The following MRPL3 variants were observed in gnomAD, a reference collection of about 807,000 sequenced individuals.
MRPL3 encodes mitochondrial ribosomal protein L3.
MRPL3 carries 43 observed loss-of-function variants against 44.3 expected under a neutral mutation model. The ratio of observed to expected loss-of-function variants is 0.97; its 90% CI spans 0.76 to 1.25. The LOEUF is 1.25. MRPL3 is among the 50% of genes most tolerant of loss of function. The pLI is 0.00. For missense variants in MRPL3, 406 were observed against 427.6 expected (o/e 0.95, Z 0.45); for synonymous variants, 171 against 152.3 (o/e 1.12, Z -0.91).
chr3:131,466,690 T>TGG (rs67118415), intron 9 of MRPL3, among the ~76,000 whole-genome samples: 3 of 131,514 alleles, frequency 2.3e-5, no homozygotes, highest in Non-Finnish European at 3.3e-5. Context: ...GCATTTTTTT[T>TGG]GGGGGGGGGT....
At chr3:131,482,217 C>T (rs1934003813) in intron 6 of MRPL3, among the ~76,000 whole-genome samples, 1 of 152,066 alleles carries the variant, frequency 6.6e-6, no homozygotes, top group South Asian at 2.1e-4. Flanking sequence ...CACCCCCCTC[C>T]CCTTAATTTT....
chr3:131,464,361 G>A (rs1011118893), intron 9 of MRPL3, among the ~76,000 whole-genome samples: 3 of 152,148 alleles, frequency 2.0e-5, no homozygotes, highest in African/African-American at 7.2e-5. Flanking sequence ...TCATGGATCT[G>A]AAACGTAAAT....
At chr3:131,478,084 T>C (rs1933895229) in intron 6 of MRPL3, among the ~76,000 whole-genome samples, 2 of 152,220 alleles carry the variant, frequency 1.3e-5, no homozygotes, top group African/African-American at 4.8e-5. Context: ...ATCTCCAATT[T>C]AGAGCTGTAA....
At chr3:131,499,393 G>A (rs937026997) in intron 3 of MRPL3, among the ~76,000 whole-genome samples, 9 of 152,116 alleles carry the variant, frequency 5.9e-5, no homozygotes, top group African/African-American at 2.2e-4. Context: ...TAGACTACAG[G>A]CTAACTCGTC....
intron 3 of MRPL3, among the ~76,000 whole-genome samples, chr3:131,499,553 T>C (rs1934448345): frequency 6.7e-6 from 1 of 149,022 alleles, no homozygotes; most frequent in South Asian, 2.1e-4. Context: ...TCAGAGCCAA[T>C]AATAATTTGC....
intron 2 of MRPL3, among the ~76,000 whole-genome samples, chr3:131,501,217 A>G (rs74933137): frequency 0.012 from 1,903 of 152,336 alleles, 18 homozygotes; most frequent in East Asian, 0.035. Context: ...TACAATTTAC[A>G]TCATACTCTT....
intron 6 of MRPL3, among the ~76,000 whole-genome samples, chr3:131,474,760 TTTTAA>T (rs1933818586): frequency 7.0e-6 from 1 of 142,722 alleles, no homozygotes; most frequent in Non-Finnish European, 1.5e-5. Context: ...GTACTAGACT[TTTTAA>T]TTTTTTTTTT....
intron 6 of MRPL3, among the ~76,000 whole-genome samples, chr3:131,471,641 G>A (rs1480384346): frequency 6.6e-6 from 1 of 152,126 alleles, no homozygotes; most frequent in Non-Finnish European, 1.5e-5. Flanking sequence ...TAGCAGATAT[G>A]GCAAGCAGCC....
intron 6 of MRPL3, among the ~76,000 whole-genome samples, chr3:131,486,694 C>A (rs1019430193): frequency 3.3e-5 from 5 of 152,038 alleles, no homozygotes; most frequent in African/African-American, 1.2e-4. Context: ...ATGCAGCCAA[C>A]AGACACATGA....
At chr3:131,497,957 A>G (rs980307671) in intron 4 of MRPL3, 19 of 544,048 alleles carry the variant, frequency 3.5e-5, no homozygotes, top group Non-Finnish European at 2.9e-5. Flanking sequence ...TTAGAGAGGT[A>G]AAATTACTTG....
At chr3:131,463,801 T>C (rs1933543234) in intron 9 of MRPL3, among the ~76,000 whole-genome samples, 1 of 152,184 alleles carries the variant, frequency 6.6e-6, no homozygotes, top group South Asian at 2.1e-4. Context: ...AAAACATTAT[T>C]GGATTCTTCA....
At chr3:131,496,067 T>C (rs1251559429) in intron 4 of MRPL3, among the ~76,000 whole-genome samples, 1 of 152,194 alleles carries the variant, frequency 6.6e-6, no homozygotes, top group Non-Finnish European at 1.5e-5. Flanking sequence ...GGGATTACCC[T>C]AGCATGCTTG....
At chr3:131,492,411 CCA>C (rs1934278695) in intron 4 of MRPL3, among the ~76,000 whole-genome samples, 1 of 152,116 alleles carries the variant, frequency 6.6e-6, no homozygotes, top group African/African-American at 2.4e-5. Flanking sequence ...GACCATTTTT[CCA>C]CAGACCAGTG....
At chr3:131,477,771 TA>T (rs1933888326) in intron 6 of MRPL3, among the ~76,000 whole-genome samples, 1 of 152,180 alleles carries the variant, frequency 6.6e-6, no homozygotes, top group South Asian at 2.1e-4. Flanking sequence ...TATCACAACC[TA>T]AAAAATTTAG....
At chr3:131,501,991 G>C in intron 1 of MRPL3, 5 of 1,307,966 alleles carry the variant, frequency 3.8e-6, no homozygotes, top group Non-Finnish European at 5.3e-6. Flanking sequence ...CCTACCTATA[G>C]ACATGAAAAG....
At chr3:131,483,618 T>C (rs892097930) in intron 6 of MRPL3, among the ~76,000 whole-genome samples, 1 of 151,452 alleles carries the variant, frequency 6.6e-6, no homozygotes, top group African/African-American at 2.4e-5. Context: ...ACAATGTATC[T>C]TTCATGTAAG....
At chr3:131,468,375 A>T (rs1215023883) in intron 8 of MRPL3, among the ~76,000 whole-genome samples, 1 of 152,168 alleles carries the variant, frequency 6.6e-6, no homozygotes, top group Non-Finnish European at 1.5e-5. Context: ...AGTAGTAGAA[A>T]ACTCTCATTT....
At chr3:131,476,250 A>G (rs537543121) in intron 6 of MRPL3, among the ~76,000 whole-genome samples, 36 of 152,222 alleles carry the variant, frequency 2.4e-4, no homozygotes, top group Non-Finnish European at 4.6e-4. Flanking sequence ...CCTTTAAACA[A>G]AAGAACAAAA....
intron 9 of MRPL3, among the ~76,000 whole-genome samples, chr3:131,465,996 A>T (rs1045352223): frequency 8.6e-5 from 13 of 150,766 alleles, no homozygotes; most frequent in Non-Finnish European, 1.8e-4. Context: ...TCCTGAGGCC[A>T]CGTGATCCTA....
Sources: gnomAD v4.1 joint callset for allele counts (sites outside exome capture counted in the v4.1 genomes callset) on GRCh38, gnomAD v4.1.1 for gene constraint, MANE v1.5 for transcripts, NCBI Gene and HGNC (gene_info 2026-07-23, HGNC 2026-07-21) for gene names.